The following C1R variants were observed in gnomAD, a reference collection of about 807,000 sequenced individuals.
C1R encodes complement C1r subcomponent.
Under a neutral mutation model 27.6 loss-of-function variants are expected in C1R, and 15 were observed. That is an observed-to-expected ratio of 0.54 (90% confidence interval 0.36 to 0.84). The LOEUF (loss-of-function observed/expected upper bound fraction) is 0.84, where lower values mean the gene tolerates loss of function less well. Ranked by LOEUF, C1R falls within the 40% of genes least tolerant of loss-of-function variation. C1R has a pLI of 0.01. For missense variants in C1R, 544 were observed against 577.9 expected (o/e 0.94, Z 0.60); for synonymous variants, 253 against 228.8 (o/e 1.11, Z -0.95).
intron 9 of C1R, among the ~76,000 whole-genome samples, chr12:7,083,140 G>A (rs2135738995): frequency 6.6e-6 from 1 of 152,358 alleles, no homozygotes; most frequent in South Asian, 2.1e-4. Flanking sequence ...AGGTTGAGGG[G>A]GAGAATGGAG....
In C1R at chr12:7,081,030, G is replaced by C. The variant is rs768997660; in HGVS notation, c.1620C>G (p.Val540=). ...CCTGACGGTAGTCCGGGTGGACGCT[G>C]ACCCTGCGGATGGGGTGATTTCCTA... is the stretch of plus-strand genomic sequence containing the variant. ...MKLGNHPIRR[V]SVHPDYRQDE... The change falls in exon 11 of 11, where the codon GTC becomes GTG. Residue 540 remains valine (V), a synonymous_variant. Coordinates refer to ENST00000647956, the MANE Select transcript of C1R (RefSeq NM_001733.7). 1.9e-6 allele frequency: 3 copies of C among 1,614,024 alleles called. No individual in the cohort carries two copies. Among genetic ancestry groups the C allele is most frequent in the African/African-American group, 1.3e-5 (1 of 75,050 alleles).
chr12:7,080,343 A>C lies in C1R; in HGVS notation c.*189T>G. On this transcript the variant is annotated 3_prime_UTR_variant, in exon 11 of 11. Coordinates refer to ENST00000647956, the MANE Select transcript of C1R (RefSeq NM_001733.7). This position sits in a 1 kb window ranked among gnomAD's most constrained non-coding sequence, Gnocchi z 4.9. ...ATCCTCTGCAATCCTCAGAAGAAAG[A>C]AAGGGGCCCTTTGGGTTGTTTCAGG... 7.5e-7 allele frequency: 1 copy of C among 1,332,294 alleles called. No homozygotes were observed. The highest frequency in any genetic ancestry group is 9.6e-7 in the Non-Finnish European group (1 of 1,046,292). The allele number at this position is 1,332,294 out of a possible 1,614,324, so 82.5% of individuals were successfully genotyped here. A position where few individuals can be genotyped will look rare whatever the true frequency, so the allele number is the denominator to read the frequency against.
chr12:7,088,745 C>A lies in C1R; in HGVS notation c.917-14G>T, dbSNP rs138689788. On this transcript the variant is annotated splice_polypyrimidine_tract_variant and intron_variant, in intron 6 of 10. Transcript: ENST00000647956. ...GGCACTTGATGACTGTTGGGGAGAC[C>A]AGGGGGCATATTTATTTCAGAGCCA... 694 of 777,332 alleles carry A rather than the reference C, an allele frequency of 8.9e-4. 7 individuals carry two copies. Among genetic ancestry groups the A allele is most frequent in the East Asian group, 6.8e-3 (279 of 41,152 alleles). 48.2% of individuals were successfully genotyped at this position (777,332 alleles called of 1,614,324 possible). A position where few individuals can be genotyped will look rare whatever the true frequency, so the allele number is the denominator to read the frequency against.
rs1256407327 is a variant in C1R, at chr12:7,080,241, T to C, written c.*291A>G. 9.4e-7 allele frequency: 1 copy of C among 1,065,892 alleles called. No individual in the cohort carries two copies. The highest frequency in any genetic ancestry group is 1.7e-5 in the African/African-American group (1 of 60,450). The allele number at this position is 1,065,892 out of a possible 1,614,324, so 66.0% of individuals were successfully genotyped here. A position where few individuals can be genotyped will look rare whatever the true frequency, so the allele number is the denominator to read the frequency against. ...CACTGGCATTTCTCATAAAACTTTA[T>C]TTGGAAAAAGTTATATTCAATGACC... On this transcript the variant is annotated 3_prime_UTR_variant, in exon 11 of 11. Transcript: ENST00000647956. This position sits in a 1 kb window ranked among gnomAD's most constrained non-coding sequence, Gnocchi z 4.9.
chr12:7,080,957 T>G lies in C1R; in HGVS notation c.1693A>C (p.Asn565His). Residue 565 changes from asparagine to histidine, a missense_variant, in exon 11 of 11, where the codon AAT becomes CAT. By Grantham distance (68) the Asn-to-His change is moderately conservative. Transcript: ENST00000647956. This position sits in a 1 kb window ranked among gnomAD's most constrained non-coding sequence, Gnocchi z 4.9. ...AGGTTGGGACCCAGGGTGACACTAT[T>G]TTCCAGCTCCAGCAGGGCGATGTCC... Reference protein sequence around the residue: ...EGDIALLELENSVTLGPNLLP... With the variant: ...EGDIALLELEHSVTLGPNLLP... 6.2e-7 allele frequency: 1 copy of G among 1,613,370 alleles called. No homozygotes were observed. Among genetic ancestry groups the G allele is most frequent in the Non-Finnish European group, 8.5e-7 (1 of 1,179,398 alleles).
Position 7,080,266 on chromosome 12 carries a change from C to T in C1R, c.*266G>A, listed in dbSNP as rs901507259. 22 of 1,150,342 alleles carry T rather than the reference C, an allele frequency of 1.9e-5. No homozygotes were observed. Among genetic ancestry groups the T allele is most frequent in the Non-Finnish European group, 2.4e-5 (22 of 935,314 alleles). The allele number at this position is 1,150,342 out of a possible 1,614,324, so 71.3% of individuals were successfully genotyped here. A position where few individuals can be genotyped will look rare whatever the true frequency, so the allele number is the denominator to read the frequency against. Reference sequence around the variant, plus strand: ...TTTGGAAAAAGTTATATTCAATGACCCAATGGTATCAAAGTGGAAGAGGAA... The same window carrying T: ...TTTGGAAAAAGTTATATTCAATGACTCAATGGTATCAAAGTGGAAGAGGAA... On this transcript the variant is annotated 3_prime_UTR_variant, in exon 11 of 11. Coordinates refer to ENST00000647956, the MANE Select transcript of C1R (RefSeq NM_001733.7). The surrounding 1 kb of genome is among the most constrained non-coding windows in gnomAD (Gnocchi z 4.9).
At chr12:7,092,218 C>G (rs1938293239) in intron 1 of C1R, 169 bp downstream of exon 1, 2 of 677,382 alleles carry the variant, frequency 3.0e-6, no homozygotes, top group Non-Finnish European at 5.5e-6. Flanking sequence ...CCTCTGATCC[C>G]TAGGAGGAGG....
rs1252588568 is a variant in C1R at position 7,091,668 on chromosome 12, G to A, written c.15C>T (p.Tyr5=). MWLL[Y]LLVPALFCRA... ...TGCAGAACAGGGCCGGCACCAGGAG[G>A]TACAAGAGCCACCTGCCAAAACAAA... The change falls in exon 2 of 11, where the codon TAC becomes TAT. Residue 5 remains tyrosine, a synonymous_variant. Transcript: ENST00000647956. This position sits in a 1 kb window ranked among gnomAD's most constrained non-coding sequence, Gnocchi z 5.1. The A allele has an allele frequency of 1.4e-6, 1 of 739,576 alleles. No homozygotes were observed. Among genetic ancestry groups the A allele is most frequent in the Admixed American group, 1.9e-5 (1 of 52,350 alleles). The allele number at this position is 739,576 out of a possible 1,614,324, so 45.8% of individuals were successfully genotyped here.
chr12:7,092,377 C>A lies in C1R; in HGVS notation c.2+10G>T, dbSNP rs779181017. On this transcript the variant is annotated intron_variant, in intron 1 of 10. Coordinates refer to ENST00000647956, the MANE Select transcript of C1R (RefSeq NM_001733.7). ...TCCCTCCCACCTGGTTGCCCATCAC[C>A]CTTACTCACATTTCTCAAGGCCCGT... 1 of 780,888 alleles carries A rather than the reference C, an allele frequency of 1.3e-6. No individual in the cohort carries two copies. Among genetic ancestry groups the A allele is most frequent in the African/African-American group, 1.7e-5 (1 of 59,246 alleles). The allele number at this position is 780,888 out of a possible 1,614,324, so 48.4% of individuals were successfully genotyped here. A position where few individuals can be genotyped will look rare whatever the true frequency, so the allele number is the denominator to read the frequency against.
chr12:7,089,169 C>A, intron 5 of C1R, 124 bp downstream of exon 5: 1 of 663,160 alleles, frequency 1.5e-6, no homozygotes, highest in Non-Finnish European at 2.8e-6. Flanking sequence ...CTTACCCAGC[C>A]CATGGGTGAT....
rs756365614 is a variant in C1R at position 7,089,303 on chromosome 12, T to G, written c.758A>C (p.Asp253Ala). ...GTAGGACGGCTGTACCTGTAGCTGG[T>G]CATAGGGGCAGTGTACTTGCTGGTG... ...DDHQQVHCPY[D>A]QLQIYANGKN... The change falls in exon 5 of 11, where the codon GAC (aspartate) becomes GCC (alanine). Residue 253 changes from aspartate (D) to alanine (A), a missense_variant. Asp to Ala is a moderately radical substitution (Grantham distance 126). Coordinates refer to ENST00000647956, the MANE Select transcript of C1R (RefSeq NM_001733.7). 1 of 780,184 alleles carries G rather than the reference T, an allele frequency of 1.3e-6. No homozygotes were observed. The highest frequency in any genetic ancestry group is 1.3e-5 in the South Asian group (1 of 74,568). 48.3% of individuals were successfully genotyped at this position (780,184 alleles called of 1,614,324 possible).
intron 3 of C1R, 36 bp downstream of exon 3, chr12:7,090,020 A>G: frequency 1.3e-6 from 1 of 741,146 alleles, no homozygotes; most frequent in Non-Finnish European, 2.5e-6. Flanking sequence ...AATATGGCTG[A>G]GGTCAGAGAA....
At position 7,089,346 on chromosome 12, in the gene C1R, G is replaced by A; in HGVS notation, c.715C>T (p.Pro239Ser). The change falls in exon 5 of 11, where the codon CCT (proline) becomes TCT (serine). Residue 239 changes from proline to serine, a missense_variant. Pro to Ser is a moderately conservative substitution (Grantham distance 74, BLOSUM62 -1). Around this residue, in one of 2 missense-constraint regions of C1R, gnomAD observed 291 missense variants for 209.0 expected, o/e 1.39. Coordinates refer to ENST00000647956, the MANE Select transcript of C1R (RefSeq NM_001733.7). ...TGCTGGTGGTCATCAATATCAAAAG[G>A]CTCCAGGAACTTGAGGTGCAGGGTG... ...GLTLHLKFLE[P>S]FDIDDHQQVH... 2 of 780,592 alleles carry A rather than the reference G, an allele frequency of 2.6e-6. No homozygotes were observed. The highest frequency in any genetic ancestry group is 4.8e-6 in the Non-Finnish European group (2 of 417,902). 48.4% of individuals were successfully genotyped at this position (780,592 alleles called of 1,614,324 possible). A position where few individuals can be genotyped will look rare whatever the true frequency, so the allele number is the denominator to read the frequency against.
At chr12:7,085,106 GTGA>G (rs1398706180) in intron 9 of C1R, among the ~76,000 whole-genome samples, 18 of 141,322 alleles carry the variant, frequency 1.3e-4, no homozygotes, top group South Asian at 4.3e-4. Context: ...TAGTGTGGTG[GTGA>G]TGATGATGTT....
chr12:7,081,452 T>A, intron 10 of C1R, 151 bp from the exon 11 acceptor site: 1 of 667,502 alleles, frequency 1.5e-6, no homozygotes, highest in Non-Finnish European at 2.7e-6. Context: ...GTCATTGGCC[T>A]ATTGACAGGC....
rs1938241733 is a variant in C1R at position 7,090,185 on chromosome 12, G to A, written c.295C>T (p.Pro99Ser). Residue 99 changes from proline (P) to serine (S), a missense_variant, in exon 3 of 11, where the codon CCC (proline) becomes TCC (serine). Pro to Ser is a moderately conservative substitution (Grantham distance 74). Coordinates refer to ENST00000647956, the MANE Select transcript of C1R (RefSeq NM_001733.7). ...GACATAAATTCCTTCTTTCCCGGGG[G>A]GTTGCCCAGTGGAGAACCCAGTTGC... ...CGQLGSPLGNPPGKKEFMSQG... is the reference protein window; with the variant it reads ...CGQLGSPLGNSPGKKEFMSQG... 1.3e-6 allele frequency: 1 copy of A among 755,880 alleles called. No individual in the cohort carries two copies. Among genetic ancestry groups the A allele is most frequent in the Non-Finnish European group, 2.5e-6 (1 of 404,894 alleles). The allele number at this position is 755,880 out of a possible 1,614,324, so 46.8% of individuals were successfully genotyped here.
At position 7,088,996 on chromosome 12, in the gene C1R, G is replaced by A. The variant is rs1209812868; in HGVS notation, c.769-10C>T. ...TCCCGTTGGCATAGATCTAGTAGGG[G>A]AGGAGGGTTTTTTTTTTTCAGCTTG... On this transcript the variant is annotated splice_polypyrimidine_tract_variant and intron_variant, in intron 5 of 10. Coordinates refer to ENST00000647956, the MANE Select transcript of C1R (RefSeq NM_001733.7). The A allele has an allele frequency of 2.8e-6, 2 of 716,228 alleles. No homozygotes were observed. Among genetic ancestry groups the A allele is most frequent in the Non-Finnish European group, 5.1e-6 (2 of 390,512 alleles). 44.4% of individuals were successfully genotyped at this position (716,228 alleles called of 1,614,324 possible). A position where few individuals can be genotyped will look rare whatever the true frequency, so the allele number is the denominator to read the frequency against.
At chr12:7,082,633 A>G (rs1938086010) in intron 9 of C1R, among the ~76,000 whole-genome samples, 1 of 152,136 alleles carries the variant, frequency 6.6e-6, no homozygotes, top group Non-Finnish European at 1.5e-5. Flanking sequence ...GCCTGGCCAG[A>G]ATGCTTAACT....
intron 7 of C1R, chr12:7,087,643 C>A (rs1178871873): frequency 6.5e-6 from 1 of 154,404 alleles, no homozygotes; most frequent in African/African-American, 2.4e-5. Context: ...CCACCCAATC[C>A]TCCTGATGGA....
Sources: allele counts gnomAD v4.1 joint callset (sites outside exome capture counted in the v4.1 genomes callset), GRCh38; gene constraint gnomAD v4.1.1; regional missense constraint gnomAD v4.1.1; non-coding constraint Gnocchi (gnomAD v3.1); transcripts MANE v1.5; gene names NCBI Gene and HGNC (gene_info 2026-07-23, HGNC 2026-07-21).